KLHL32: variants seen among roughly 807,000 people sequenced by gnomAD.
KLHL32 encodes the protein kelch like family member 32, also known as kelch-like protein 32.
In KLHL32, 35 loss-of-function variants were observed where a neutral mutation model predicts 64.8. That is an observed-to-expected ratio of 0.54 (90% CI 0.41 to 0.72). The LOEUF is 0.72. Among genes scored for constraint, KLHL32 ranks in the 30% least tolerant of loss-of-function variants. The probability of loss-of-function intolerance (pLI) is 0.00; values close to 1 mark genes in which losing one functional copy is unlikely to be tolerated. For synonymous variants in KLHL32, 259 were observed against 281.0 expected (o/e 0.92, Z 0.78); for missense variants, 589 against 768.5 (o/e 0.77, Z 2.76).
chr6:97,023,770 G>C (rs73502803), intron 3 of KLHL32, among the ~76,000 whole-genome samples: 12,440 of 152,206 alleles, frequency 0.082, 1,083 homozygotes, highest in Admixed American at 0.22. Context: ...CTAGGGGCCA[G>C]GAAAATCCTT....
At chr6:97,013,031 G>A (rs1175563072) in intron 3 of KLHL32, among the ~76,000 whole-genome samples, 1 of 152,112 alleles carries the variant, frequency 6.6e-6, no homozygotes. Flanking sequence ...AGTGAGTTTT[G>A]TAATCTTAAA....
At chr6:97,019,069 A>G (rs1781627301) in intron 3 of KLHL32, among the ~76,000 whole-genome samples, 1 of 152,210 alleles carries the variant, frequency 6.6e-6, no homozygotes, top group Non-Finnish European at 1.5e-5. Flanking sequence ...AAAATCAGAA[A>G]TCTGTAACAA....
At position 97,085,515 on chromosome 6, in the gene KLHL32, C is replaced by CA. The variant is rs1279511813; in HGVS notation, c.627+175dup. ...TTGGAGAACACTGGCCCTTGAGGCT[C>CA]AGAGCCCTCAGCGGACTCTGCCGCT... On this transcript the variant is annotated intron_variant, in intron 6 of 10. Transcript: ENST00000369261. Among the ~76,000 whole-genome samples, 23 of 152,342 alleles carry CA rather than the reference C, an allele frequency of 1.5e-4. No individual in the cohort carries two copies. In the East Asian group the frequency reaches 4.4e-3, roughly 29 times the overall value.
At chr6:96,999,388 T>A (rs1201456747) in intron 3 of KLHL32, 1 of 249,562 alleles carries the variant, frequency 4.0e-6, no homozygotes, top group African/African-American at 2.3e-5. Context: ...AGAGTAAGAC[T>A]CTGTCTCAAC....
At chr6:96,948,652 C>A (rs1171156306) in intron 1 of KLHL32, among the ~76,000 whole-genome samples, 1 of 152,022 alleles carries the variant, frequency 6.6e-6, no homozygotes, top group Non-Finnish European at 1.5e-5. Flanking sequence ...TTAGAGAATA[C>A]ACTTTTTTAA....
the KLHL32 span, among the ~76,000 whole-genome samples, chr6:96,916,574 T>TA: frequency 6.6e-6 from 1 of 152,216 alleles, no homozygotes; most frequent in South Asian, 2.1e-4. Context: ...GTTAAAATGG[T>TA]ACGTGAGTCC....
chr6:96,984,615 C>T (rs1299739155), intron 3 of KLHL32, among the ~76,000 whole-genome samples: 1 of 152,172 alleles, frequency 6.6e-6, no homozygotes, highest in Non-Finnish European at 1.5e-5. Context: ...GCATTGATCC[C>T]TTTACCATTA....
chr6:97,109,887 A>T (rs561479230), intron 6 of KLHL32, among the ~76,000 whole-genome samples: 1 of 152,374 alleles, frequency 6.6e-6, no homozygotes, highest in South Asian at 2.1e-4. Flanking sequence ...TTACTTGACT[A>T]AATTAGGAAC....
intron 3 of KLHL32, among the ~76,000 whole-genome samples, chr6:97,019,947 T>A (rs1485211825): frequency 9.8e-4 from 4 of 4,082 alleles, no homozygotes; most frequent in African/African-American, 1.8e-3. Flanking sequence ...TCCCGGCGAA[T>A]TTTTTTTTTT....
chr6:97,091,530 G>A (rs1027948777), intron 6 of KLHL32, among the ~76,000 whole-genome samples: 2 of 152,156 alleles, frequency 1.3e-5, no homozygotes, highest in African/African-American at 4.8e-5. Flanking sequence ...TCTGATGTGG[G>A]GCTTTCCGCT....
the KLHL32 span, among the ~76,000 whole-genome samples, chr6:96,904,002 A>G: frequency 1.7e-4 from 26 of 152,212 alleles, no homozygotes; most frequent in Non-Finnish European, 2.6e-4. Flanking sequence ...AATAAATTTA[A>G]TAAGGTAGCT....
chr6:96,992,173 C>T (rs924406938), intron 3 of KLHL32, among the ~76,000 whole-genome samples: 3 of 152,236 alleles, frequency 2.0e-5, no homozygotes, highest in Admixed American at 6.5e-5. Flanking sequence ...GGAGCCTGAC[C>T]TCTCTTGTTG....
chr6:97,138,996 G>C, intron 10 of KLHL32, 125 bp from the exon 11 acceptor site: 1 of 847,962 alleles, frequency 1.2e-6, no homozygotes, highest in South Asian at 1.9e-5. Context: ...GCAAGAAAAA[G>C]AATTCCTAAG....
At chr6:97,073,029 A>G (rs1183225950) in intron 5 of KLHL32, among the ~76,000 whole-genome samples, 1 of 152,222 alleles carries the variant, frequency 6.6e-6, no homozygotes, top group East Asian at 1.9e-4. Context: ...CATGCAAAGT[A>G]TCTTACAAAC....
At chr6:97,057,170 A>ATTTTTTTTTTT (rs1788085939) in intron 4 of KLHL32, among the ~76,000 whole-genome samples, 1 of 97,354 alleles carries the variant, frequency 1.0e-5, no homozygotes, top group African/African-American at 5.8e-5. Flanking sequence ...CTATGTGAGT[A>ATTTTTTTTTTT]TCTTTTTTTT....
chr6:97,106,570 C>G (rs1197559906), intron 6 of KLHL32, among the ~76,000 whole-genome samples: 2 of 151,952 alleles, frequency 1.3e-5, no homozygotes, highest in Non-Finnish European at 2.9e-5. Context: ...TGGTGAAACC[C>G]CGTTTCTACT....
intron 1 of KLHL32, among the ~76,000 whole-genome samples, chr6:96,964,850 T>C (rs1774275513): frequency 6.6e-6 from 1 of 152,210 alleles, no homozygotes; most frequent in Non-Finnish European, 1.5e-5. Context: ...ACTCACCTTT[T>C]GAAAAAAATA....
chr6:96,903,566 T>C, the KLHL32 span, among the ~76,000 whole-genome samples: 2 of 152,150 alleles, frequency 1.3e-5, no homozygotes, highest in Non-Finnish European at 2.9e-5. Flanking sequence ...TCAGGGCCTT[T>C]GGGAGGTAAG....
chr6:96,937,231 C>T (rs549825194), intron 1 of KLHL32, among the ~76,000 whole-genome samples: 2 of 152,270 alleles, frequency 1.3e-5, no homozygotes, highest in Admixed American at 6.5e-5. Flanking sequence ...TGCAGTTATT[C>T]GCCACCCCCT....
Sources: gnomAD v4.1 joint callset for allele counts (sites outside exome capture counted in the v4.1 genomes callset) on GRCh38, gnomAD v4.1.1 for gene constraint, MANE v1.5 for transcripts, NCBI Gene and HGNC (gene_info 2026-07-23, HGNC 2026-07-21) for gene names.